FOCAD: variants seen among roughly 807,000 people sequenced by gnomAD.
FOCAD encodes focadhesin, also known as KIAA1797.
In FOCAD, 198 loss-of-function variants were observed where a neutral mutation model predicts 225.6. The observed-to-expected ratio is 0.88, with a 90% CI of 0.78 to 0.99. FOCAD has a LOEUF of 0.99. FOCAD is among the 50% of genes least tolerant of loss of function. FOCAD has a pLI of 0.00. For synonymous variants in FOCAD, 897 were observed against 755.0 expected (o/e 1.19, Z -3.08); for missense variants, 2,713 against 2,123.6 (o/e 1.28, Z -5.46).
At chr9:20,710,607 AAT>A (rs942986459) in intron 1 of FOCAD, among the ~76,000 whole-genome samples, 4 of 151,982 alleles carry the variant, frequency 2.6e-5, no homozygotes, top group African/African-American at 7.3e-5. Flanking sequence ...AAAAAAAAAA[AAT>A]AATAATATAA....
chr9:20,818,492 T>G (rs114858590), intron 11 of FOCAD, among the ~76,000 whole-genome samples: 551 of 152,276 alleles, frequency 3.6e-3, no homozygotes, highest in African/African-American at 0.012. Context: ...TGTTATAGTT[T>G]TAGCTCGTAC....
intron 7 of FOCAD, among the ~76,000 whole-genome samples, chr9:20,769,735 G>T (rs1240101764): frequency 3.9e-5 from 6 of 152,166 alleles, no homozygotes; most frequent in Non-Finnish European, 8.8e-5. Context: ...TGTTGTCATT[G>T]TCATGTAACT....
chr9:20,761,667 G>C (rs1379566158), intron 6 of FOCAD, among the ~76,000 whole-genome samples: 1 of 151,996 alleles, frequency 6.6e-6, no homozygotes, highest in Non-Finnish European at 1.5e-5. Context: ...TGATCCACCC[G>C]CCTCGGACTC....
rs900139424 is a variant in FOCAD, at chr9:20,990,239, C to T, written c.5121C>T (p.Gly1707=). 1 of 1,614,214 alleles carries T rather than the reference C, an allele frequency of 6.2e-7. No individual in the cohort carries two copies. The highest frequency in any genetic ancestry group is 8.5e-7 in the Non-Finnish European group (1 of 1,180,036). Residue 1707 remains glycine (G), a synonymous_variant, in exon 42 of 44, where the codon GGC becomes GGT. Coordinates refer to ENST00000338382, the MANE Select transcript of FOCAD (RefSeq NM_001375567.1). ...GGTTGCCATGGCATCAGGAGAATGG[C>T]CCGGCTGGGCCAGTACCAAGCTTCC... ...ASWLPWHQEN[G]PAGPVPSFLG...
intron 1 of FOCAD, among the ~76,000 whole-genome samples, chr9:20,707,724 G>A (rs1824504675): frequency 6.6e-6 from 1 of 152,124 alleles, no homozygotes; most frequent in South Asian, 2.1e-4. Flanking sequence ...CTGTCTCAGG[G>A]GTGCCAGAGG....
chr9:20,913,802 C>G (rs773086759), intron 23 of FOCAD, among the ~76,000 whole-genome samples: 2 of 152,036 alleles, frequency 1.3e-5, no homozygotes, highest in Non-Finnish European at 2.9e-5. Context: ...TTGCTCTTAT[C>G]TTTTGCATCT....
At chr9:20,686,787 A>C (rs1216218037) in intron 1 of FOCAD, among the ~76,000 whole-genome samples, 1 of 152,214 alleles carries the variant, frequency 6.6e-6, no homozygotes, top group Admixed American at 6.5e-5. Context: ...ATTCACAATT[A>C]GTAATAGATT....
intron 4 of FOCAD, among the ~76,000 whole-genome samples, chr9:20,731,060 A>G (rs556144533): frequency 6.6e-6 from 1 of 152,178 alleles, no homozygotes; most frequent in African/African-American, 2.4e-5. Context: ...ACATGGCAAA[A>G]CCCCATCTCT....
In FOCAD at chr9:20,912,946, C is replaced by G. The variant is rs750185731; in HGVS notation, c.2799C>G (p.Ala933=). 9 of 1,612,274 alleles carry G rather than the reference C, an allele frequency of 5.6e-6. No homozygotes were observed. Among genetic ancestry groups the G allele is most frequent in the Non-Finnish European group, 7.6e-6 (9 of 1,179,026 alleles). ...AGGTGCAGTACAAAAAAAGCACAGCCTGGCTCTGGTAAGTGTTCATGTTCA... is the reference window on the plus strand; with the variant it reads ...AGGTGCAGTACAAAAAAAGCACAGCGTGGCTCTGGTAAGTGTTCATGTTCA... The part of the protein sequence containing the change: ...PEEVQYKKST[A]WLWVRDMLTD... Residue 933 remains alanine (A), a synonymous_variant, in exon 23 of 44, where the codon GCC becomes GCG. Transcript: ENST00000338382.
At chr9:20,870,227 A>G (rs1355337498) in intron 18 of FOCAD, among the ~76,000 whole-genome samples, 2 of 152,198 alleles carry the variant, frequency 1.3e-5, no homozygotes, top group African/African-American at 2.4e-5. Flanking sequence ...CAGGGTTGGT[A>G]TAAATATGGT....
upstream of FOCAD, among the ~76,000 whole-genome samples, chr9:20,657,940 G>A (rs1821551039): frequency 7.2e-6 from 1 of 138,052 alleles, no homozygotes; most frequent in South Asian, 2.5e-4. Context: ...TGATGGTGAT[G>A]TACAGATGGG....
At chr9:20,668,097 T>C (rs887522284) in intron 2 of FOCAD, among the ~76,000 whole-genome samples, 3 of 152,246 alleles carry the variant, frequency 2.0e-5, no homozygotes, top group African/African-American at 7.2e-5. Flanking sequence ...TTTCCACATT[T>C]CATACGGCAG....
intron 1 of FOCAD, among the ~76,000 whole-genome samples, chr9:20,687,362 T>G (rs1822728837): frequency 6.6e-6 from 1 of 152,354 alleles, no homozygotes; most frequent in South Asian, 2.1e-4. Context: ...CTAATTTGGC[T>G]GATACATATG....
chr9:20,668,943 T>C (rs1281790752), intron 2 of FOCAD, among the ~76,000 whole-genome samples: 1 of 152,120 alleles, frequency 6.6e-6, no homozygotes, highest in Non-Finnish European at 1.5e-5. Context: ...ACGGTTAGCC[T>C]CCCCACCCAT....
chr9:20,700,120 TAGA>T (rs1435549806), intron 1 of FOCAD, among the ~76,000 whole-genome samples: 1 of 151,892 alleles, frequency 6.6e-6, no homozygotes, highest in Non-Finnish European at 1.5e-5. Context: ...AGCTGTATAA[TAGA>T]AGATTAGTAA....
intron 39 of FOCAD, among the ~76,000 whole-genome samples, chr9:20,985,302 A>G (rs938802038): frequency 6.6e-6 from 1 of 152,232 alleles, no homozygotes; most frequent in African/African-American, 2.4e-5. Flanking sequence ...CCAAATGTTG[A>G]CAATATAAAA....
intron 24 of FOCAD, among the ~76,000 whole-genome samples, chr9:20,917,152 A>G (rs1587601957): frequency 6.6e-6 from 1 of 152,122 alleles, no homozygotes; most frequent in African/African-American, 2.4e-5. Flanking sequence ...GTACTAACAT[A>G]TAACTTTTAC....
At chr9:20,879,276 T>C (rs1174180796) in intron 19 of FOCAD, among the ~76,000 whole-genome samples, 1 of 152,150 alleles carries the variant, frequency 6.6e-6, no homozygotes, top group African/African-American at 2.4e-5. Context: ...CAACTGAAAA[T>C]GCACTAATTC....
At chr9:20,792,215 G>T (rs1820609722) in intron 11 of FOCAD, among the ~76,000 whole-genome samples, 1 of 152,168 alleles carries the variant, frequency 6.6e-6, no homozygotes, top group Non-Finnish European at 1.5e-5. Context: ...AGGTTTAAGG[G>T]TTTATGGTAA....
Sources: gnomAD v4.1 joint callset for allele counts (sites outside exome capture counted in the v4.1 genomes callset) on GRCh38, gnomAD v4.1.1 for gene constraint, MANE v1.5 for transcripts, NCBI Gene and HGNC (gene_info 2026-07-23, HGNC 2026-07-21) for gene names.